The following PCCA variants were observed in gnomAD, a reference collection of about 807,000 sequenced individuals.
PCCA encodes the protein propionyl-CoA carboxylase alpha chain, mitochondrial.
A neutral mutation model predicts 101.3 loss-of-function variants in PCCA; 74 were observed. The observed-to-expected ratio is 0.73, with a 90% CI of 0.61 to 0.89. PCCA has a LOEUF of 0.89. Among genes scored for constraint, PCCA ranks in the 40% least tolerant of loss-of-function variants. The probability of loss-of-function intolerance (pLI) is 0.00; values close to 1 mark genes in which losing one functional copy is unlikely to be tolerated. For missense variants in PCCA, 891 were observed against 907.0 expected, an observed-to-expected ratio of 0.98 and a Z score of 0.23; for synonymous variants, 294 against 313.6, an observed-to-expected ratio of 0.94 and a Z score of 0.66.
In PCCA at chr13:100,218,375, G is replaced by A. The variant is rs374035987; in HGVS notation, c.600+8912G>A. 6.7e-3 allele frequency among the ~76,000 whole-genome samples: 1,008 copies of A among 150,934 alleles called. 11 individuals are homozygous for A. Among genetic ancestry groups the A allele is most frequent in the African/African-American group, 0.023 (964 of 41,124 alleles). ...TTTTTTTTTTGTATTTAGCAGAGAC[G>A]GGTTTTCACCATGTTAGACTGGTCT... On this transcript the variant is annotated intron_variant, in intron 7 of 23. Coordinates refer to ENST00000376285, the MANE Select transcript of PCCA (RefSeq NM_000282.4).
At chr13:100,146,492 T>C (rs2052581886) in intron 4 of PCCA, among the ~76,000 whole-genome samples, 1 of 151,694 alleles carries the variant, frequency 6.6e-6, no homozygotes, top group African/African-American at 2.4e-5. Flanking sequence ...GGAGAATCAC[T>C]TGAACCCAAG....
At chr13:100,258,931 A>G (rs189967244) in intron 9 of PCCA, among the ~76,000 whole-genome samples, 29 of 152,276 alleles carry the variant, frequency 1.9e-4, no homozygotes, top group African/African-American at 6.5e-4. Context: ...AGGCGTGCCT[A>G]TTAGATTTAA....
At chr13:100,523,765 G>C (rs543008826) in intron 22 of PCCA, among the ~76,000 whole-genome samples, 1 of 152,320 alleles carries the variant, frequency 6.6e-6, no homozygotes, top group East Asian at 1.9e-4. Flanking sequence ...GGAGCGGGGA[G>C]ATACATCAGG....
At chr13:100,261,783 T>A (rs1273486784) in intron 9 of PCCA, among the ~76,000 whole-genome samples, 2 of 152,222 alleles carry the variant, frequency 1.3e-5, no homozygotes, top group African/African-American at 4.8e-5. Context: ...AATTACTATT[T>A]TTGATCAATT....
At chr13:100,194,430 A>ATTT (rs1316150445) in intron 6 of PCCA, among the ~76,000 whole-genome samples, 2 of 151,992 alleles carry the variant, frequency 1.3e-5, no homozygotes, top group African/African-American at 4.8e-5. Context: ...TATTATTATT[A>ATTT]TTTTTGAGAC....
chr13:100,263,877 ATATG>A (rs2062710567), intron 10 of PCCA, among the ~76,000 whole-genome samples: 1 of 151,106 alleles, frequency 6.6e-6, no homozygotes, highest in Non-Finnish European at 1.5e-5. Context: ...TATCGTATAT[ATATG>A]GTATCTGTAT....
At chr13:100,160,993 C>T (rs570589272) in intron 6 of PCCA, 3 of 152,228 alleles carry the variant, frequency 2.0e-5, no homozygotes, top group Admixed American at 6.5e-5. Context: ...GAAAGATACA[C>T]GTATATGTAG....
intron 1 of PCCA, among the ~76,000 whole-genome samples, chr13:100,090,144 T>C (rs893734722): frequency 6.6e-6 from 1 of 152,248 alleles, no homozygotes; most frequent in African/African-American, 2.4e-5. Context: ...ACTTGATTTA[T>C]AGTCATTTAA....
At chr13:100,264,084 TAC>T (rs2062749276) in intron 10 of PCCA, among the ~76,000 whole-genome samples, 1 of 146,432 alleles carries the variant, frequency 6.8e-6, no homozygotes, top group Non-Finnish European at 1.5e-5. Context: ...ATCGTATATA[TAC>T]GGTATCTGTA....
intron 12 of PCCA, among the ~76,000 whole-genome samples, chr13:100,288,041 C>G (rs1160743148): frequency 6.6e-6 from 1 of 152,036 alleles, no homozygotes; most frequent in East Asian, 1.9e-4. Context: ...TATTCAATTC[C>G]TCTATATATC....
chr13:100,465,791 A>T (rs2082470401), intron 21 of PCCA, among the ~76,000 whole-genome samples: 2 of 152,254 alleles, frequency 1.3e-5, no homozygotes, highest in African/African-American at 4.8e-5. Flanking sequence ...TCCAGAACAG[A>T]TGTGAAACTT....
intron 21 of PCCA, among the ~76,000 whole-genome samples, chr13:100,494,880 T>A (rs1343605649): frequency 1.3e-5 from 2 of 152,118 alleles, no homozygotes; most frequent in African/African-American, 2.4e-5. Context: ...CTATTTGATT[T>A]ATTTTATCCC....
At chr13:100,175,514 T>A (rs1405551147) in intron 6 of PCCA, among the ~76,000 whole-genome samples, 1 of 152,242 alleles carries the variant, frequency 6.6e-6, no homozygotes, top group East Asian at 1.9e-4. Context: ...ATTGTGGCTT[T>A]CCGTGCACAC....
At chr13:100,312,409 A>G (rs1444422787) in intron 16 of PCCA, among the ~76,000 whole-genome samples, 2 of 152,176 alleles carry the variant, frequency 1.3e-5, no homozygotes. Context: ...TGATCCTCAG[A>G]GTGGCAGGAT....
At chr13:100,153,040 T>C (rs1404899876) in intron 4 of PCCA, among the ~76,000 whole-genome samples, 2 of 152,074 alleles carry the variant, frequency 1.3e-5, no homozygotes, top group African/African-American at 4.8e-5. Context: ...AAGAAGACTT[T>C]ATGTAGGTGT....
At chr13:100,275,471 C>T (rs2063585417) in intron 12 of PCCA, among the ~76,000 whole-genome samples, 1 of 152,178 alleles carries the variant, frequency 6.6e-6, no homozygotes, top group African/African-American at 2.4e-5. Context: ...CTATGGCTTT[C>T]TTCATGCTTT....
intron 19 of PCCA, among the ~76,000 whole-genome samples, chr13:100,377,776 G>A (rs1349854825): frequency 6.6e-6 from 1 of 152,160 alleles, no homozygotes; most frequent in Admixed American, 6.5e-5. Flanking sequence ...TTACAGGGGT[G>A]AGCCACTGCA....
chr13:100,491,765 T>G, intron 21 of PCCA: 1 of 1,212,940 alleles, frequency 8.2e-7, no homozygotes, highest in Middle Eastern at 2.3e-4. Context: ...CAAGCTCTTT[T>G]GGATTTGTAA....
At chr13:100,515,652 C>A in intron 22 of PCCA, 85 bp downstream of exon 22, 3 of 1,523,436 alleles carry the variant, frequency 2.0e-6, no homozygotes, top group South Asian at 1.1e-5. Flanking sequence ...CAGCACGATT[C>A]GGCTCTTTGC....
Sources: allele counts gnomAD v4.1 joint callset (sites outside exome capture counted in the v4.1 genomes callset), GRCh38; gene constraint gnomAD v4.1.1; transcripts MANE v1.5; gene names NCBI Gene and HGNC (gene_info 2026-07-23, HGNC 2026-07-21).